NEGR1: variants seen among roughly 807,000 people sequenced by gnomAD.
NEGR1 encodes neuronal growth regulator 1.
In NEGR1, 10 loss-of-function variants were observed where a neutral mutation model predicts 40.9. The observed-to-expected ratio is 0.24, with a 90% confidence interval of 0.15 to 0.42. The LOEUF (loss-of-function observed/expected upper bound fraction) is 0.42. Ranked by LOEUF, NEGR1 falls within the 10% of genes least tolerant of loss-of-function variation. The pLI is 1.00. For synonymous variants in NEGR1, 185 were observed against 166.8 expected, an observed-to-expected ratio of 1.11 and a Z score of -0.84; for missense variants, 352 against 438.9, an observed-to-expected ratio of 0.80 and a Z score of 1.77.
intron 2 of NEGR1, among the ~76,000 whole-genome samples, chr1:71,859,882 C>T (rs1318286884): frequency 6.6e-6 from 1 of 151,968 alleles, no homozygotes; most frequent in East Asian, 1.9e-4. Context: ...AGTAACTGTT[C>T]CTGAATGAGG....
At chr1:71,451,278 A>G (rs1055961627) in intron 6 of NEGR1, among the ~76,000 whole-genome samples, 2 of 152,128 alleles carry the variant, frequency 1.3e-5, no homozygotes, top group Admixed American at 1.3e-4. Flanking sequence ...CTACAGTGAA[A>G]AAATGATCCC....
intron 6 of NEGR1, among the ~76,000 whole-genome samples, chr1:71,562,180 G>A (rs1377308313): frequency 5.9e-5 from 9 of 151,540 alleles, no homozygotes; most frequent in Non-Finnish European, 1.2e-4. Context: ...AAAGATTATC[G>A]GGCAAAATAA....
At chr1:71,850,324 A>C (rs1320689112) in intron 2 of NEGR1, among the ~76,000 whole-genome samples, 1 of 151,504 alleles carries the variant, frequency 6.6e-6, no homozygotes, top group Non-Finnish European at 1.5e-5. Flanking sequence ...CCCGGCAAAT[A>C]TTTATATTTT....
intron 1 of NEGR1, among the ~76,000 whole-genome samples, chr1:72,148,723 G>A (rs1651006699): frequency 6.6e-6 from 1 of 152,014 alleles, no homozygotes; most frequent in African/African-American, 2.4e-5. Context: ...CTAAGGCAGG[G>A]GCAAAATGCC....
chr1:71,797,728 A>T (rs1657390861), intron 2 of NEGR1, among the ~76,000 whole-genome samples: 2 of 152,136 alleles, frequency 1.3e-5, no homozygotes. Context: ...AATGGCTCTG[A>T]ATAATGTATA....
At chr1:72,259,207 C>T (rs559071753) in intron 1 of NEGR1, among the ~76,000 whole-genome samples, 2 of 152,140 alleles carry the variant, frequency 1.3e-5, no homozygotes, top group South Asian at 4.1e-4. Context: ...TAGAAAATTA[C>T]ATTAAAAACA....
intron 6 of NEGR1, among the ~76,000 whole-genome samples, chr1:71,428,864 G>C (rs1239378382): frequency 2.6e-5 from 4 of 151,602 alleles, no homozygotes; most frequent in African/African-American, 7.3e-5. Context: ...AAATGTAAAG[G>C]CTTAAAAAAT....
rs912883234 is a variant in NEGR1, at chr1:71,403,330, A to T, written c.*4116T>A. 6.6e-6 allele frequency: 1 copy of T among 152,066 alleles called. No individual in the cohort carries two copies. Among genetic ancestry groups the T allele is most frequent in the Non-Finnish European group, 1.5e-5 (1 of 67,950 alleles). The allele number at this position is 152,066 out of a possible 1,614,324, so 9.4% of individuals were successfully genotyped here. ...TTTTATACCCAGCTGTTAAGAAATT[A>T]CACTCTGCCTGGCTCTTACAAGCGT... On this transcript the variant is annotated 3_prime_UTR_variant, in exon 7 of 7. Coordinates refer to ENST00000357731, the MANE Select transcript of NEGR1 (RefSeq NM_173808.3).
chr1:71,617,624 G>C (rs779069609), intron 4 of NEGR1, among the ~76,000 whole-genome samples: 1 of 152,192 alleles, frequency 6.6e-6, no homozygotes, highest in Non-Finnish European at 1.5e-5. Flanking sequence ...GGTCACTTCT[G>C]AATGTAAGTC....
intron 4 of NEGR1, among the ~76,000 whole-genome samples, chr1:71,614,396 A>C (rs1019646029): frequency 1.3e-5 from 2 of 152,100 alleles, no homozygotes; most frequent in Non-Finnish European, 2.9e-5. Flanking sequence ...CATAATTTTA[A>C]AATTGTTTTG....
At position 72,157,035 on chromosome 1, in the gene NEGR1, T is replaced by C. The variant is rs572075230; in HGVS notation, c.176+125284A>G. Among the ~76,000 whole-genome samples, 19 of 152,194 alleles carry C rather than the reference T, an allele frequency of 1.2e-4. No individual in the cohort carries two copies. The East Asian group carries it at 3.3e-3, about 26-fold the overall frequency. On this transcript the variant is annotated intron_variant, in intron 1 of 6. Coordinates refer to ENST00000357731, the MANE Select transcript of NEGR1 (RefSeq NM_173808.3). Reference sequence around the variant, plus strand: ...TGGAAGGCAGTGGTACAATCCTAGCTCATAAGAGCCTCCACCTCCTCAGCT... The same window carrying C: ...TGGAAGGCAGTGGTACAATCCTAGCCCATAAGAGCCTCCACCTCCTCAGCT...
chr1:71,845,562 A>AT (rs1277697479), intron 2 of NEGR1, among the ~76,000 whole-genome samples: 1 of 152,174 alleles, frequency 6.6e-6, no homozygotes, highest in African/African-American at 2.4e-5. Context: ...ACTGACTATC[A>AT]TGTCCTATTC....
rs545371158 is a variant in NEGR1, at chr1:71,827,783, G to GA, written c.410-51487dup. On this transcript the variant is annotated intron_variant, in intron 2 of 6. Coordinates refer to ENST00000357731, the MANE Select transcript of NEGR1 (RefSeq NM_173808.3). ...ATTTTTATGTAACTATACCGCGAGA[G>GA]AGACAGGTATGAAAAAACAGCATGA... is the stretch of plus-strand genomic sequence containing the variant. Among the ~76,000 whole-genome samples the GA allele has an allele frequency of 2.5e-3, 375 of 151,764 alleles. 2 individuals carry two copies. The highest frequency in any genetic ancestry group is 8.3e-3 in the African/African-American group (346 of 41,440).
chr1:71,928,786 G>T (rs1645826489), intron 2 of NEGR1, among the ~76,000 whole-genome samples: 1 of 151,966 alleles, frequency 6.6e-6, no homozygotes, highest in Non-Finnish European at 1.5e-5. Context: ...GGGAAAATTT[G>T]TAGGGACTAA....
intron 5 of NEGR1, among the ~76,000 whole-genome samples, chr1:71,598,003 A>G (rs1320913151): frequency 6.6e-6 from 1 of 152,188 alleles, no homozygotes; most frequent in Non-Finnish European, 1.5e-5. Flanking sequence ...AAGCATGTTG[A>G]AATGTACGTA....
chr1:71,771,699 CAAAAAAAAA>C (rs60830449), intron 3 of NEGR1, among the ~76,000 whole-genome samples: 1 of 12,086 alleles, frequency 8.3e-5, no homozygotes, highest in Admixed American at 1.9e-3. Context: ...GACTTAGTCT[CAAAAAAAAA>C]AAAAAAAAAA....
intron 2 of NEGR1, among the ~76,000 whole-genome samples, chr1:71,795,616 ATCT>A (rs1201979956): frequency 6.6e-6 from 1 of 152,120 alleles, no homozygotes; most frequent in Non-Finnish European, 1.5e-5. Flanking sequence ...AAAAGCAAAA[ATCT>A]GAACAAATCC....
At chr1:71,509,492 G>T (rs1201157955) in intron 6 of NEGR1, among the ~76,000 whole-genome samples, 3 of 152,202 alleles carry the variant, frequency 2.0e-5, no homozygotes, top group Non-Finnish European at 2.9e-5. Context: ...TATACCCTGG[G>T]CTTATGTCTG....
intron 6 of NEGR1, among the ~76,000 whole-genome samples, chr1:71,455,886 TA>T (rs1157627500): frequency 6.6e-6 from 1 of 152,234 alleles, no homozygotes; most frequent in Non-Finnish European, 1.5e-5. Context: ...CCCAAAGACA[TA>T]AGACTTCAGT....
Sources: allele counts gnomAD v4.1 joint callset (sites outside exome capture counted in the v4.1 genomes callset), GRCh38; gene constraint gnomAD v4.1.1; transcripts MANE v1.5; gene names NCBI Gene and HGNC (gene_info 2026-07-23, HGNC 2026-07-21).